The following TRHDE variants were observed in gnomAD, a reference collection of about 807,000 sequenced individuals.
TRHDE encodes the protein thyrotropin releasing hormone degrading enzyme.
In TRHDE, 72 loss-of-function variants were observed where a neutral mutation model predicts 125.7. The ratio of observed to expected loss-of-function variants is 0.57; its 90% confidence interval spans 0.47 to 0.70. The LOEUF (loss-of-function observed/expected upper bound fraction) is 0.70, where lower values mean the gene tolerates loss of function less well. Among genes scored for constraint, TRHDE ranks in the 30% least tolerant of loss-of-function variants. The pLI, the probability that TRHDE is intolerant of heterozygous loss-of-function variation, is 0.00. For missense variants in TRHDE, 1,110 were observed against 1,327.1 expected (o/e 0.84, Z 2.54); for synonymous variants, 509 against 509.1 (o/e 1.00, Z 0.00).
At chr12:72,308,742 C>G (rs1468030709) in intron 2 of TRHDE, among the ~76,000 whole-genome samples, 2 of 152,222 alleles carry the variant, frequency 1.3e-5, no homozygotes, top group Non-Finnish European at 2.9e-5. Flanking sequence ...TTTTTCAAAA[C>G]TGTTATGCTA....
intron 3 of TRHDE, among the ~76,000 whole-genome samples, chr12:72,383,717 GT>G (rs1198685598): frequency 0.097 from 11,706 of 120,576 alleles, 427 homozygotes; most frequent in Middle Eastern, 0.2. Context: ...GGTAATTTCT[GT>G]TTTTTTTTTT....
At chr12:72,160,359 T>C (rs1298816297) in intron 2 of TRHDE, among the ~76,000 whole-genome samples, 1 of 152,154 alleles carries the variant, frequency 6.6e-6, no homozygotes, top group Non-Finnish European at 1.5e-5. Flanking sequence ...TGAATCAGAA[T>C]CTCTGGGATA....
At chr12:72,636,627 A>T (rs1873766048) in intron 15 of TRHDE, among the ~76,000 whole-genome samples, 1 of 152,148 alleles carries the variant, frequency 6.6e-6, no homozygotes, top group African/African-American at 2.4e-5. Flanking sequence ...TCAGTATGAT[A>T]TTGGCTATGG....
chr12:72,175,050 A>G (rs1018270782), intron 2 of TRHDE, among the ~76,000 whole-genome samples: 3 of 152,198 alleles, frequency 2.0e-5, no homozygotes, highest in Admixed American at 6.5e-5. Flanking sequence ...AGTGTATCAT[A>G]TAGTCTTGTT....
At chr12:72,378,183 G>A in intron 3 of TRHDE, 62 bp downstream of exon 3, 1 of 1,449,520 alleles carries the variant, frequency 6.9e-7, no homozygotes, top group Non-Finnish European at 9.2e-7. Context: ...TCTTCTTCAT[G>A]TGTTTATTTG....
chr12:72,634,392 T>C (rs528075463), intron 15 of TRHDE, among the ~76,000 whole-genome samples: 52 of 152,218 alleles, frequency 3.4e-4, no homozygotes, highest in Non-Finnish European at 2.1e-4. Context: ...GTGTAAGCAT[T>C]TGTAAGGCAG....
intron 1 of TRHDE, among the ~76,000 whole-genome samples, chr12:72,095,842 G>A (rs1289029716): frequency 6.6e-6 from 1 of 152,174 alleles, no homozygotes; most frequent in Non-Finnish European, 1.5e-5. Context: ...ATGTTTCTGT[G>A]AGGGTGTTTT....
chr12:72,272,330 G>A, upstream of TRHDE: 1 of 360,598 alleles, frequency 2.8e-6, no homozygotes, highest in South Asian at 2.1e-5. The surrounding 1 kb of genome is among the most constrained non-coding windows in gnomAD (Gnocchi z 6.7). Flanking sequence ...AGGCGCGCAG[G>A]GGCGGGGGCA....
At chr12:72,309,520 C>G (rs1349348562) in intron 2 of TRHDE, among the ~76,000 whole-genome samples, 4 of 151,692 alleles carry the variant, frequency 2.6e-5, no homozygotes, top group Non-Finnish European at 5.9e-5. Flanking sequence ...AGCTTTTCCT[C>G]AAAAAGAGAT....
At chr12:72,335,680 G>A (rs1429811456) in intron 2 of TRHDE, among the ~76,000 whole-genome samples, 1 of 152,194 alleles carries the variant, frequency 6.6e-6, no homozygotes, top group African/African-American at 2.4e-5. Flanking sequence ...TTTTTAAATA[G>A]CACTTGAACT....
chr12:72,617,758 G>T (rs79944777), intron 12 of TRHDE, among the ~76,000 whole-genome samples: 2,747 of 152,260 alleles, frequency 0.018, 37 homozygotes, highest in Non-Finnish European at 0.027. Context: ...ATGAGAGCTT[G>T]GTCTGCTTCA....
At chr12:72,440,447 G>A (rs1421249486) in intron 3 of TRHDE, among the ~76,000 whole-genome samples, 1 of 151,586 alleles carries the variant, frequency 6.6e-6, no homozygotes, top group African/African-American at 2.4e-5. Context: ...AGAATAAATT[G>A]GCATCTGAGA....
intron 1 of TRHDE, among the ~76,000 whole-genome samples, chr12:72,102,113 T>C (rs921123593): frequency 1.3e-5 from 2 of 152,168 alleles, no homozygotes; most frequent in Non-Finnish European, 2.9e-5. Flanking sequence ...ATTGGGAGTG[T>C]AGAGACTTGG....
chr12:72,204,117 G>A (rs772907999), intron 2 of TRHDE, among the ~76,000 whole-genome samples: 1 of 152,054 alleles, frequency 6.6e-6, no homozygotes, highest in South Asian at 2.1e-4. Context: ...AGGGTTTCAG[G>A]TTATCAAGTC....
At chr12:72,520,303 C>T (rs956580235) in intron 6 of TRHDE, among the ~76,000 whole-genome samples, 11 of 152,192 alleles carry the variant, frequency 7.2e-5, no homozygotes, top group Admixed American at 1.3e-4. Context: ...ACTCCGTGGG[C>T]GTAAGACCCT....
intron 3 of TRHDE, among the ~76,000 whole-genome samples, chr12:72,443,926 C>T (rs1319579232): frequency 6.6e-6 from 1 of 151,700 alleles, no homozygotes; most frequent in Non-Finnish European, 1.5e-5. Flanking sequence ...ATTAAAGGGG[C>T]CATAAAGATT....
chr12:72,360,139 A>C (rs141676139), intron 2 of TRHDE, among the ~76,000 whole-genome samples: 206 of 151,936 alleles, frequency 1.4e-3, no homozygotes, highest in African/African-American at 4.6e-3. Flanking sequence ...CAAAAGTCTT[A>C]AACTTTTAGA....
At position 72,273,668 on chromosome 12, in the gene TRHDE, G is replaced by C. The variant is rs1879358817; in HGVS notation, c.914+111G>C. 3 of 1,079,484 alleles carry C rather than the reference G, an allele frequency of 2.8e-6. No homozygotes were observed. The highest frequency in any genetic ancestry group is 4.0e-6 in the Non-Finnish European group (3 of 752,404). The allele number at this position is 1,079,484 out of a possible 1,614,324, so 66.9% of individuals were successfully genotyped here. A position where few individuals can be genotyped will look rare whatever the true frequency, so the allele number is the denominator to read the frequency against. ...TGGCTTCCAATACCCGGGAAGCCAG[G>C]GGTGGGGGGAAGGAAACGAAAGCGG... On this transcript the variant is annotated intron_variant, in intron 1 of 18. Transcript: ENST00000261180. This position sits in a 1 kb window ranked among gnomAD's most constrained non-coding sequence, Gnocchi z 5.3.
chr12:72,417,278 C>G (rs1405887025), intron 3 of TRHDE, among the ~76,000 whole-genome samples: 2 of 151,982 alleles, frequency 1.3e-5, no homozygotes, highest in East Asian at 3.9e-4. Context: ...TGGAACATAA[C>G]TTTGATAGTC....
Sources: gnomAD v4.1 joint callset for allele counts (sites outside exome capture counted in the v4.1 genomes callset) on GRCh38, gnomAD v4.1.1 for gene constraint, Gnocchi (gnomAD v3.1) non-coding constraint, MANE v1.5 for transcripts, NCBI Gene and HGNC (gene_info 2026-07-23, HGNC 2026-07-21) for gene names.